The following KIAA1217 variants were observed in gnomAD, a reference collection of about 807,000 sequenced individuals.
The protein encoded by KIAA1217 is sickle tail protein homolog.
In KIAA1217, 88 loss-of-function variants were observed where a neutral mutation model predicts 163.9. The ratio of observed to expected loss-of-function variants is 0.54; its 90% CI spans 0.45 to 0.64. The LOEUF (loss-of-function observed/expected upper bound fraction) is 0.64. Among genes scored for constraint, KIAA1217 ranks in the 30% least tolerant of loss-of-function variants. KIAA1217 has a pLI of 0.00. For synonymous variants in KIAA1217, 903 were observed against 923.1 expected, an observed-to-expected ratio of 0.98 and a Z score of 0.39; for missense variants, 2,372 against 2,475.0, an observed-to-expected ratio of 0.96 and a Z score of 0.88.
chr10:24,244,253 C>T (rs367602696), intron 2 of KIAA1217, among the ~76,000 whole-genome samples: 2 of 152,162 alleles, frequency 1.3e-5, no homozygotes, highest in African/African-American at 2.4e-5. Context: ...AAGTTCCTCT[C>T]GGCTGGCTAC....
intron 1 of KIAA1217, among the ~76,000 whole-genome samples, chr10:23,806,886 A>G (rs559392452): frequency 6.6e-6 from 1 of 152,302 alleles, no homozygotes; most frequent in East Asian, 1.9e-4. Context: ...CCCCTCTTTC[A>G]GTTCTCTGTT....
intron 2 of KIAA1217, among the ~76,000 whole-genome samples, chr10:24,111,118 A>C (rs2062827811): frequency 6.6e-6 from 1 of 152,230 alleles, no homozygotes; most frequent in African/African-American, 2.4e-5. Context: ...CAATTCTTAT[A>C]CATTATGGGA....
chr10:23,706,457 C>G (rs1353395478), intron 1 of KIAA1217, among the ~76,000 whole-genome samples: 1 of 152,088 alleles, frequency 6.6e-6, no homozygotes, highest in Non-Finnish European at 1.5e-5. Flanking sequence ...TCTCTTCCTA[C>G]TTTGTTGAGT....
chr10:23,711,495 T>C (rs987657008), intron 1 of KIAA1217, among the ~76,000 whole-genome samples: 1 of 152,032 alleles, frequency 6.6e-6, no homozygotes, highest in Admixed American at 6.6e-5. Context: ...GCAGACAGCG[T>C]GGTTTTGGTC....
chr10:23,967,634 G>A (rs1845121614), intron 1 of KIAA1217, among the ~76,000 whole-genome samples: 1 of 152,140 alleles, frequency 6.6e-6, no homozygotes, highest in Non-Finnish European at 1.5e-5. Flanking sequence ...TGTGCTGGTA[G>A]AAGTGTAAAT....
chr10:24,386,890 A>G (rs1260925512), intron 3 of KIAA1217, among the ~76,000 whole-genome samples: 2 of 152,256 alleles, frequency 1.3e-5, no homozygotes, highest in Non-Finnish European at 2.9e-5. Context: ...AAAAGATAAA[A>G]GAATTTTAAA....
In KIAA1217 at chr10:24,297,386, C is replaced by T. The variant is rs1045345511; in HGVS notation, c.354+77477C>T. On this transcript the variant is annotated intron_variant, in intron 2 of 20. Transcript: ENST00000376454. ...GGAAGTAGCATCCACACACATCCAG[C>T]ACATGCCCCTTGATGGACAGACAGG... 3.3e-5 allele frequency among the ~76,000 whole-genome samples: 5 copies of T among 152,210 alleles called. 1 individual carries two copies. The South Asian group carries it at 1.0e-3, about 32-fold the overall frequency.
Position 23,828,689 on chromosome 10 carries a change from T to C in KIAA1217, c.-321+133455T>C, listed in dbSNP as rs562047044. ...TTTGCTTCTTGTTACTACTTATTTG[T>C]TTTTCTCACCAACCCTCTAAGATAT... is the stretch of plus-strand genomic sequence containing the variant. On this transcript the variant is annotated intron_variant, in intron 1 of 18. Coordinates refer to the KIAA1217 transcript ENST00000376462. Among the ~76,000 whole-genome samples, 13 of 152,330 alleles carry C rather than the reference T, an allele frequency of 8.5e-5. No homozygotes were observed. The South Asian group carries it at 1.4e-3, about 17-fold the overall frequency.
rs113436326 is a variant in KIAA1217, at chr10:23,950,464, C to T, written c.-320-56761C>T. ...TCCACTGAGGTTTTAAACACATAAA[C>T]GACTCAATCACAGACAGGGATACGG... On this transcript the variant is annotated intron_variant, in intron 1 of 18. Coordinates refer to the KIAA1217 transcript ENST00000376462. Among the ~76,000 whole-genome samples, 1,385 of 148,066 alleles carry T rather than the reference C, an allele frequency of 9.4e-3. 24 individuals carry two copies. Among genetic ancestry groups the T allele is most frequent in the African/African-American group, 0.033 (1,305 of 39,114 alleles).
At chr10:24,075,456 G>A (rs1589405032) in intron 2 of KIAA1217, among the ~76,000 whole-genome samples, 1 of 151,900 alleles carries the variant, frequency 6.6e-6, no homozygotes, top group African/African-American at 2.4e-5. Flanking sequence ...TGCTGTAGCA[G>A]TGATTCATTT....
Position 24,547,114 on chromosome 10 carries a change from G to T in KIAA1217, c.*790G>T, listed in dbSNP as rs548356620. The stretch of plus-strand genomic sequence containing the variant: ...AGATTCTCTAGTTGTTTTCTTTGGC[G>T]TATCTAACCCCTTCTTTTGTTTTCT... On this transcript the variant is annotated 3_prime_UTR_variant, in exon 21 of 21. Coordinates refer to ENST00000376454, the MANE Select transcript of KIAA1217 (RefSeq NM_019590.5). 1.6e-5 allele frequency: 2 copies of T among 124,414 alleles called. No homozygotes were observed. Among genetic ancestry groups the T allele is most frequent in the African/African-American group, 6.3e-5 (2 of 31,916 alleles). The allele number at this position is 124,414 out of a possible 1,614,324, so 7.7% of individuals were successfully genotyped here.
intron 1 of KIAA1217, among the ~76,000 whole-genome samples, chr10:23,832,350 G>A (rs952759349): frequency 2.0e-5 from 3 of 152,156 alleles, no homozygotes; most frequent in African/African-American, 7.2e-5. Flanking sequence ...GAGATCTCAT[G>A]CCCTCTCTGG....
intron 1 of KIAA1217, among the ~76,000 whole-genome samples, chr10:23,803,884 C>T (rs1345155332): frequency 1.3e-5 from 2 of 151,452 alleles, no homozygotes; most frequent in African/African-American, 4.8e-5. Flanking sequence ...TGCACACACA[C>T]ATACACACAC....
intron 1 of KIAA1217, among the ~76,000 whole-genome samples, chr10:23,824,485 C>CGTGATGGTA (rs1564453467): frequency 9.6e-5 from 14 of 145,532 alleles, no homozygotes; most frequent in African/African-American, 2.0e-4. Context: ...AAAATTAGCT[C>CGTGATGGTA]AGCATGGTGA....
intron 2 of KIAA1217, among the ~76,000 whole-genome samples, chr10:24,093,905 G>T (rs892306305): frequency 8.7e-5 from 13 of 149,114 alleles, no homozygotes; most frequent in Non-Finnish European, 1.9e-4. Flanking sequence ...GCGGTGTTTG[G>T]TTTTTTGTTC....
chr10:24,037,953 T>A lies in KIAA1217; in HGVS notation c.-171+30579T>A, dbSNP rs576391868. Among the ~76,000 whole-genome samples the A allele has an allele frequency of 6.7e-4, 102 of 152,328 alleles. 1 individual carries two copies. The highest frequency in any genetic ancestry group is 5.9e-5 in the Non-Finnish European group (4 of 68,022). ...ATTTTAATGTCACACAAATTTTATC[T>A]TAGTAGTGTATGTATTTTGCAAGCC... On this transcript the variant is annotated intron_variant, in intron 2 of 18. Coordinates refer to the KIAA1217 transcript ENST00000376462.
At chr10:23,927,863 A>C (rs938446060) in intron 1 of KIAA1217, among the ~76,000 whole-genome samples, 3 of 152,170 alleles carry the variant, frequency 2.0e-5, no homozygotes, top group African/African-American at 7.2e-5. Flanking sequence ...TGTCACATTG[A>C]ACATAAGACT....
At position 24,173,552 on chromosome 10, in the gene KIAA1217, A is replaced by C. The variant is rs11593095; in HGVS notation, c.-170-46074A>C. 4.9e-3 allele frequency among the ~76,000 whole-genome samples: 741 copies of C among 152,300 alleles called. 3 individuals are homozygous for C. Among genetic ancestry groups the C allele is most frequent in the Non-Finnish European group, 8.1e-3 (548 of 68,018 alleles). ...CTCTAAAGTTACCAAGACTACTTAG[A>C]TGATATCATAATAGTTACAGAATCT... On this transcript the variant is annotated intron_variant, in intron 2 of 18. Transcript: ENST00000376462.
chr10:24,352,694 A>G (rs2048604657), intron 2 of KIAA1217, among the ~76,000 whole-genome samples: 1 of 152,104 alleles, frequency 6.6e-6, no homozygotes, highest in Admixed American at 6.6e-5. Flanking sequence ...TAGCTTTGTG[A>G]AGGAGGTGGG....
Sources: gnomAD v4.1 joint callset for allele counts (sites outside exome capture counted in the v4.1 genomes callset) on GRCh38, gnomAD v4.1.1 for gene constraint, MANE v1.5 for transcripts, NCBI Gene and HGNC (gene_info 2026-07-23, HGNC 2026-07-21) for gene names.